The following LARGE1 variants were observed in gnomAD, a reference collection of about 807,000 sequenced individuals.
LARGE1 encodes the protein xylosyl- and glucuronyltransferase LARGE1.
In LARGE1, 43 loss-of-function variants were observed where a neutral mutation model predicts 87.6. That is an observed-to-expected ratio of 0.49 (90% CI 0.38 to 0.63). The LOEUF is 0.63. Among genes scored for constraint, LARGE1 ranks in the 30% least tolerant of loss-of-function variants. The pLI, the probability that LARGE1 is intolerant of heterozygous loss-of-function variation, is 0.00. For synonymous variants in LARGE1, 434 were observed against 394.6 expected, an observed-to-expected ratio of 1.10 and a Z score of -1.18; for missense variants, 802 against 1,000.2, an observed-to-expected ratio of 0.80 and a Z score of 2.67.
At chr22:33,127,056 G>C in the LARGE1 span, among the ~76,000 whole-genome samples, 1 of 152,202 alleles carries the variant, frequency 6.6e-6, no homozygotes, top group Non-Finnish European at 1.5e-5. Context: ...GAAGCTGCTT[G>C]TGTCTGGATC....
At chr22:33,358,518 T>C (rs984584708) in intron 9 of LARGE1, among the ~76,000 whole-genome samples, 8 of 152,188 alleles carry the variant, frequency 5.3e-5, no homozygotes, top group Non-Finnish European at 8.8e-5. Flanking sequence ...GCTTGAGTTA[T>C]GGGCTACTTT....
chr22:33,560,895 AG>A (rs1388116043), intron 6 of LARGE1, among the ~76,000 whole-genome samples: 1 of 151,896 alleles, frequency 6.6e-6, no homozygotes, highest in Non-Finnish European at 1.5e-5. Flanking sequence ...GCTTACTGCA[AG>A]CTCTGCCTCC....
intron 5 of LARGE1, among the ~76,000 whole-genome samples, chr22:33,573,877 A>G (rs1291424898): frequency 6.6e-6 from 1 of 152,104 alleles, no homozygotes; most frequent in East Asian, 1.9e-4. Context: ...AGCTATCAAT[A>G]AGAAGGCTCA....
chr22:33,270,407 G>A (rs1028000568), downstream of LARGE1, among the ~76,000 whole-genome samples: 2 of 152,210 alleles, frequency 1.3e-5, no homozygotes, highest in African/African-American at 2.4e-5. Flanking sequence ...TGGGAAGGCA[G>A]TAGCACATTT....
chr22:33,594,300 T>C (rs1440645305), intron 5 of LARGE1, among the ~76,000 whole-genome samples: 5 of 152,144 alleles, frequency 3.3e-5, no homozygotes, highest in Non-Finnish European at 7.4e-5. Context: ...CTAGAGCCCA[T>C]AGTTTTCATT....
rs1446306385 is a variant in LARGE1, at chr22:33,547,150, C to T, written c.787+17698G>A. ...AATGTATGTATGTATGATACCTAAA[C>T]TGTATGTACAGCAGTCCCTAACCTT... On this transcript the variant is annotated intron_variant, in intron 6 of 14. Coordinates refer to ENST00000397394, the MANE Select transcript of LARGE1 (RefSeq NM_133642.5). Among the ~76,000 whole-genome samples, 4 of 151,580 alleles carry T rather than the reference C, an allele frequency of 2.6e-5. No homozygotes were observed. The South Asian group carries it at 8.3e-4, about 32-fold the overall frequency.
intron 6 of LARGE1, among the ~76,000 whole-genome samples, chr22:33,512,145 C>T (rs1232257582): frequency 6.6e-6 from 1 of 152,122 alleles, no homozygotes; most frequent in Non-Finnish European, 1.5e-5. Context: ...GAGACACTTG[C>T]CTCTTAGGAA....
At chr22:33,580,764 T>C (rs183682333) in intron 5 of LARGE1, among the ~76,000 whole-genome samples, 11 of 152,340 alleles carry the variant, frequency 7.2e-5, no homozygotes, top group Non-Finnish European at 1.5e-4. Context: ...ATTATGCCTC[T>C]GAATAAGATG....
At chr22:33,383,416 C>CACAACT (rs2065221496) in intron 8 of LARGE1, among the ~76,000 whole-genome samples, 3 of 151,910 alleles carry the variant, frequency 2.0e-5, no homozygotes, top group Non-Finnish European at 2.9e-5. Context: ...AAAAATTAGC[C>CACAACT]TGGTGTGGTG....
chr22:33,159,295 T>C (rs1921950252), downstream of LARGE1, among the ~76,000 whole-genome samples: 1 of 152,232 alleles, frequency 6.6e-6, no homozygotes, highest in Non-Finnish European at 1.5e-5. Context: ...TTGTTGTATA[T>C]ACTAATTTCA....
intron 1 of LARGE1, among the ~76,000 whole-genome samples, chr22:33,881,218 A>C (rs759211693): frequency 6.6e-6 from 1 of 152,140 alleles, no homozygotes; most frequent in Non-Finnish European, 1.5e-5. Context: ...GCCGAAAAAG[A>C]AGCTCTGCAC....
rs1569181779 is a variant in LARGE1 at position 33,458,350 on chromosome 22, C to CAT, written c.788-26086_788-26085insAT. On this transcript the variant is annotated intron_variant, in intron 6 of 14. Coordinates refer to ENST00000397394, the MANE Select transcript of LARGE1 (RefSeq NM_133642.5). ...CGATCTCCTGACCTCATGATCCGCC[C>CAT]GCCTTGGCCTCCCAAAGTGCTGGGA... Among the ~76,000 whole-genome samples, 31 of 152,218 alleles carry CAT rather than the reference C, an allele frequency of 2.0e-4. No individual in the cohort carries two copies. The East Asian group carries it at 5.6e-3, about 28-fold the overall frequency.
intron 1 of LARGE1, among the ~76,000 whole-genome samples, chr22:33,909,060 C>T (rs549533783): frequency 5.9e-5 from 9 of 152,134 alleles, no homozygotes; most frequent in Non-Finnish European, 1.2e-4. Context: ...TTTGAACAAA[C>T]CCCCAATAAG....
chr22:33,749,971 C>T (rs1031727491), intron 2 of LARGE1, among the ~76,000 whole-genome samples: 1 of 152,116 alleles, frequency 6.6e-6, no homozygotes, highest in Non-Finnish European at 1.5e-5. Context: ...AACGGTACAA[C>T]GTCCCTGAGC....
chr22:33,144,230 A>G, the LARGE1 span, among the ~76,000 whole-genome samples: 4,042 of 152,260 alleles, frequency 0.027, 193 homozygotes, highest in African/African-American at 0.091. Context: ...ATTTGAAGGC[A>G]TGTTCTAAAA....
Position 33,886,039 on chromosome 22 carries a change from TAAATAAATA to T in LARGE1, c.-83+33947_-83+33955del, listed in dbSNP as rs536872312. Among the ~76,000 whole-genome samples, 7 of 151,872 alleles carry T rather than the reference TAAATAAATA, an allele frequency of 4.6e-5. No individual in the cohort carries two copies. In the East Asian group the frequency reaches 1.2e-3, roughly 25 times the overall value. On this transcript the variant is annotated intron_variant, in intron 1 of 14. Coordinates refer to ENST00000397394, the MANE Select transcript of LARGE1 (RefSeq NM_133642.5). Reference sequence around the variant, plus strand: ...AGTGAGACTCTGGTCAATAAATAAATAAATAAATAAAATAAAAGATGTGAGCCCCAGGAA... The same window carrying T: ...AGTGAGACTCTGGTCAATAAATAAATAAATAAAAGATGTGAGCCCCAGGAA...
Position 33,273,636 on chromosome 22 carries a change from C to T in LARGE1, c.*791G>A. ...TCAAAGTCACGGGAGCCTCGGTGAT[C>T]ATCCTGAAGGAAGCTGCCCATGTTT... On this transcript the variant is annotated 3_prime_UTR_variant, in exon 15 of 15. Coordinates refer to ENST00000397394, the MANE Select transcript of LARGE1 (RefSeq NM_133642.5). The T allele has an allele frequency of 2.5e-6, 1 of 398,854 alleles. No homozygotes were observed. The allele number at this position is 398,854 out of a possible 1,614,324, so 24.7% of individuals were successfully genotyped here. A position where few individuals can be genotyped will look rare whatever the true frequency, so the allele number is the denominator to read the frequency against.
Position 33,396,414 on chromosome 22 carries a change from C to T in LARGE1, c.893-12110G>A, listed in dbSNP as rs139838158. 5.7e-3 allele frequency among the ~76,000 whole-genome samples: 837 copies of T among 146,666 alleles called. 4 individuals carry two copies. The highest frequency in any genetic ancestry group is 0.02 in the African/African-American group (796 of 39,266). On this transcript the variant is annotated intron_variant, in intron 7 of 14. Transcript: ENST00000397394. ...CTTTTGCTTTTTAAATTATTTCTTC[C>T]TGAAAGCTTTTTGAGAGAGAAAGAC...
chr22:33,426,496 G>C (rs1420816768), intron 7 of LARGE1, among the ~76,000 whole-genome samples: 1 of 152,218 alleles, frequency 6.6e-6, no homozygotes, highest in African/African-American at 2.4e-5. Flanking sequence ...CAGGGTCCCA[G>C]AATGCTGGAT....
Sources: gnomAD v4.1 joint callset for allele counts (sites outside exome capture counted in the v4.1 genomes callset) on GRCh38, gnomAD v4.1.1 for gene constraint, MANE v1.5 for transcripts, NCBI Gene and HGNC (gene_info 2026-07-23, HGNC 2026-07-21) for gene names.